The following CCDC88A variants were observed in gnomAD, a reference collection of about 807,000 sequenced individuals.
CCDC88A encodes girdin.
A neutral mutation model predicts 234.3 loss-of-function variants in CCDC88A; 54 were observed. That is an observed-to-expected ratio of 0.23 (90% CI 0.19 to 0.29). The LOEUF (loss-of-function observed/expected upper bound fraction) is 0.29. Ranked by LOEUF, CCDC88A falls within the 10% of genes least tolerant of loss-of-function variation. CCDC88A has a pLI of 1.00. For missense variants in CCDC88A, 1,832 were observed against 2,123.4 expected (o/e 0.86, Z 2.70); for synonymous variants, 753 against 737.8 (o/e 1.02, Z -0.33).
intron 2 of CCDC88A, among the ~76,000 whole-genome samples, chr2:55,413,981 C>A (rs894573992): frequency 1.3e-4 from 18 of 141,288 alleles, no homozygotes; most frequent in African/African-American, 4.6e-4. Context: ...AAAAAAAAAA[C>A]AAGCAAACAA....
intron 2 of CCDC88A, among the ~76,000 whole-genome samples, chr2:55,416,180 G>C (rs1489410520): frequency 6.6e-6 from 1 of 151,648 alleles, no homozygotes; most frequent in East Asian, 1.9e-4. Context: ...CATAGACATG[G>C]AAGATATAAG....
intron 3 of CCDC88A, among the ~76,000 whole-genome samples, chr2:55,381,099 G>T (rs1441953352): frequency 2.0e-5 from 3 of 152,084 alleles, no homozygotes; most frequent in Non-Finnish European, 4.4e-5. Context: ...TGTTACAACT[G>T]CCTACAGTAT....
At chr2:55,301,523 C>T in intron 27 of CCDC88A, 1 of 500,248 alleles carries the variant, frequency 2.0e-6, no homozygotes, top group Non-Finnish European at 3.5e-6. Context: ...CCCTGCAAAG[C>T]AAAACAAGAG....
intron 5 of CCDC88A, among the ~76,000 whole-genome samples, chr2:55,371,095 C>A (rs1469030931): frequency 6.6e-6 from 1 of 152,090 alleles, no homozygotes; most frequent in Non-Finnish European, 1.5e-5. Flanking sequence ...GCAATAAAAA[C>A]CATATTTATG....
intron 9 of CCDC88A, among the ~76,000 whole-genome samples, chr2:55,348,230 G>GC (rs1397338943): frequency 9.9e-5 from 15 of 151,958 alleles, no homozygotes; most frequent in African/African-American, 3.6e-4. Flanking sequence ...CTCCCAAAGT[G>GC]CTAGGATTAT....
rs183797469 is a variant in CCDC88A, at chr2:55,342,576, A to T, written c.1333+1072T>A. On this transcript the variant is annotated intron_variant, in intron 12 of 32. Coordinates refer to ENST00000436346, the MANE Select transcript of CCDC88A (RefSeq NM_001365480.1). ...TTAAGTCTGAATTGCTTTCTTTGTA[A>T]CTCAATTCACAAGGAATATAATTTT... 3.2e-3 allele frequency among the ~76,000 whole-genome samples: 487 copies of T among 152,298 alleles called. 2 individuals are homozygous for T. Among genetic ancestry groups the T allele is most frequent in the African/African-American group, 9.2e-3 (381 of 41,566 alleles).
intron 2 of CCDC88A, among the ~76,000 whole-genome samples, chr2:55,402,037 TAA>T (rs1678790986): frequency 6.6e-6 from 1 of 152,116 alleles, no homozygotes; most frequent in African/African-American, 2.4e-5. Flanking sequence ...CTTCAAATAT[TAA>T]GTTAGCAGTT....
chr2:55,294,412 G>C, intron 31 of CCDC88A: 13 of 898,246 alleles, frequency 1.4e-5, no homozygotes, highest in Non-Finnish European at 1.7e-5. Context: ...AAGTTTATAA[G>C]TATTAACAAT....
rs1348286944 is a variant in CCDC88A, at chr2:55,302,029, C to A, written c.4515G>T (p.Trp1505Cys). 7 of 1,614,010 alleles carry A rather than the reference C, an allele frequency of 4.3e-6. No individual in the cohort carries two copies. The Admixed American group carries it at 1.2e-4, about 27-fold the overall frequency. The change falls in exon 27 of 33, where the codon TGG becomes TGT. Residue 1505 changes from tryptophan (W) to cysteine (C), a missense_variant. This residue lies in a region of CCDC88A where 1,282 missense variants were observed against 1,543.6 expected (regional missense o/e 0.83). Transcript: ENST00000436346. ...CCTCCAAATTCTCAGTACTACCTGT[C>A]CACTGTCCTGCTAGGACCATGGACT... ...LVQSMVLAGQ[W>C]TGSTENLEVP... is the part of the protein sequence containing the mutation.
intron 10 of CCDC88A, among the ~76,000 whole-genome samples, chr2:55,344,737 C>T (rs1668889463): frequency 6.6e-6 from 1 of 152,132 alleles, no homozygotes. Context: ...TATAACTTCA[C>T]ATTAAATTGT....
intron 3 of CCDC88A, among the ~76,000 whole-genome samples, chr2:55,380,526 A>C (rs186585939): frequency 1.1e-4 from 17 of 152,154 alleles, no homozygotes; most frequent in Admixed American, 4.6e-4. Context: ...ATGTTCCTTG[A>C]AAGATATTAC....
Position 55,328,683 on chromosome 2 carries a change from T to C in CCDC88A, c.2856-248A>G, listed in dbSNP as rs747589760. On this transcript the variant is annotated intron_variant, in intron 16 of 32. Coordinates refer to ENST00000436346, the MANE Select transcript of CCDC88A (RefSeq NM_001365480.1). The surrounding 1 kb of genome is among the most constrained non-coding windows in gnomAD (Gnocchi z 4.3). ...GGCTTAGATTATCAAAAGCAATAAT[T>C]AATTCTCAAGGAACCCGGAAGACCA... 18 of 270,020 alleles carry C rather than the reference T, an allele frequency of 6.7e-5. No individual in the cohort carries two copies. Among genetic ancestry groups the C allele is most frequent in the Non-Finnish European group, 1.2e-4 (18 of 147,434 alleles). 16.7% of individuals were successfully genotyped at this position (270,020 alleles called of 1,614,324 possible).
intron 22 of CCDC88A, chr2:55,315,018 T>TG (rs1469036380): frequency 6.6e-6 from 1 of 152,234 alleles, no homozygotes; most frequent in Non-Finnish European, 1.5e-5. Flanking sequence ...TGGTCTCTCT[T>TG]GAACAGTTTT....
chr2:55,331,479 A>G, intron 16 of CCDC88A, among the ~76,000 whole-genome samples: 1 of 152,208 alleles, frequency 6.6e-6, no homozygotes, highest in East Asian at 1.9e-4. Context: ...AATTCTCCCA[A>G]TATACATTTA....
In CCDC88A at chr2:55,401,433, C is replaced by CAAAAAAAAAAAAAAAAAA. The variant is rs1418741634; in HGVS notation, c.165-12548_165-12547insTTTTTTTTTTTTTTTTTT. ...TGGATGACAGAGAAAGACTCTGTCT[C>CAAAAAAAAAAAAAAAAAA]CAAAAAAAAAAAAAATATATATATA... On this transcript the variant is annotated intron_variant, in intron 2 of 32. Coordinates refer to ENST00000436346, the MANE Select transcript of CCDC88A (RefSeq NM_001365480.1). Among the ~76,000 whole-genome samples the CAAAAAAAAAAAAAAAAAA allele has an allele frequency of 6.3e-4, 19 of 30,128 alleles. 8 individuals carry two copies. Among genetic ancestry groups the CAAAAAAAAAAAAAAAAAA allele is most frequent in the Admixed American group, 2.0e-3 (4 of 2,018 alleles). 19.8% of individuals were successfully genotyped at this position (30,128 alleles called of 152,430 possible).
intron 4 of CCDC88A, among the ~76,000 whole-genome samples, chr2:55,373,612 C>T (rs1558764633): frequency 6.6e-6 from 1 of 152,150 alleles, no homozygotes; most frequent in East Asian, 1.9e-4. Context: ...AGAACATAGA[C>T]CATTTATTTC....
chr2:55,380,376 G>A (rs1178738844), intron 3 of CCDC88A, among the ~76,000 whole-genome samples: 3 of 152,230 alleles, frequency 2.0e-5, no homozygotes, highest in Middle Eastern at 3.4e-3. Flanking sequence ...GGCCATTAAA[G>A]CAAAGTTTCA....
At chr2:55,321,814 C>G (rs1453574646) in intron 18 of CCDC88A, among the ~76,000 whole-genome samples, 1 of 151,456 alleles carries the variant, frequency 6.6e-6, no homozygotes, top group Non-Finnish European at 1.5e-5. Flanking sequence ...GGAAGATAAA[C>G]TGTTTATAGT....
intron 2 of CCDC88A, chr2:55,406,285 T>C (rs1413572070): frequency 6.6e-6 from 1 of 152,182 alleles, no homozygotes; most frequent in Non-Finnish European, 1.5e-5. Flanking sequence ...TAAGTTAACC[T>C]TCAAATATGA....
Sources: allele counts gnomAD v4.1 joint callset (sites outside exome capture counted in the v4.1 genomes callset), GRCh38; gene constraint gnomAD v4.1.1; regional missense constraint gnomAD v4.1.1; non-coding constraint Gnocchi (gnomAD v3.1); transcripts MANE v1.5; gene names NCBI Gene and HGNC (gene_info 2026-07-23, HGNC 2026-07-21).